Variants in CRTC3 observed in about 807,000 individuals in gnomAD.
The protein encoded by CRTC3 is CREB regulated transcription coactivator 3.
A neutral mutation model predicts 74.5 loss-of-function variants in CRTC3; 26 were observed. The ratio of observed to expected loss-of-function variants is 0.35; its 90% CI spans 0.26 to 0.48. The LOEUF is 0.48. Ranked by LOEUF, CRTC3 falls within the 20% of genes least tolerant of loss-of-function variation. The pLI is 0.99. For missense variants in CRTC3, 760 were observed against 787.3 expected, an observed-to-expected ratio of 0.97 and a Z score of 0.41; for synonymous variants, 377 against 325.8, an observed-to-expected ratio of 1.16 and a Z score of -1.69.
rs576304156 is a variant in CRTC3, at chr15:90,642,685, G to A, written c.*545G>A. On this transcript the variant is annotated 3_prime_UTR_variant, in exon 15 of 15. Coordinates refer to ENST00000268184, the MANE Select transcript of CRTC3 (RefSeq NM_022769.5). ...CGGCTCTCTCCCACGCCTGGATTAC[G>A]ACATGAAGTTTTTACCACAAGCCCG... 8.5e-4 allele frequency: 198 copies of A among 232,554 alleles called. No individual in the cohort carries two copies. The highest frequency in any genetic ancestry group is 4.2e-3 in the African/African-American group (192 of 45,262). The allele number at this position is 232,554 out of a possible 1,614,324, so 14.4% of individuals were successfully genotyped here. A position where few individuals can be genotyped will look rare whatever the true frequency, so the allele number is the denominator to read the frequency against.
chr15:90,612,037 TCCTCCTCCTCCTCCTCCTCCGCCTCCA>T (rs1567184078), intron 6 of CRTC3, among the ~76,000 whole-genome samples: 2 of 117,200 alleles, frequency 1.7e-5, no homozygotes, highest in Non-Finnish European at 3.5e-5. Flanking sequence ...CTCCTCCTCC[TCCTCCTCCTCCTCCTCCTCCGCCTCCA>T]CCTCCTCCTC....
intron 6 of CRTC3, among the ~76,000 whole-genome samples, chr15:90,612,361 C>T (rs373578604): frequency 6.6e-6 from 1 of 152,048 alleles, no homozygotes; most frequent in South Asian, 2.1e-4. Flanking sequence ...GTTGGTTATC[C>T]TCTTCTTCAC....
chr15:90,576,345 A>C (rs192916212), intron 2 of CRTC3, among the ~76,000 whole-genome samples: 222 of 152,306 alleles, frequency 1.5e-3, no homozygotes, highest in Admixed American at 2.4e-3. Context: ...GAAGCACTCA[A>C]GGATGACCCC....
intron 11 of CRTC3, among the ~76,000 whole-genome samples, chr15:90,632,572 T>G (rs1368706960): frequency 6.6e-6 from 1 of 152,244 alleles, no homozygotes; most frequent in Non-Finnish European, 1.5e-5. Flanking sequence ...TAGAGATGGC[T>G]GTCAACCATT....
At chr15:90,593,876 G>T in intron 3 of CRTC3, 121 bp downstream of exon 3, 1 of 1,016,482 alleles carries the variant, frequency 9.8e-7, no homozygotes, top group South Asian at 2.2e-5. Flanking sequence ...ATGAAAGGAG[G>T]CAATACAAAT....
chr15:90,642,219 A>G lies in CRTC3; in HGVS notation c.*79A>G. 8.0e-7 allele frequency: 1 copy of G among 1,250,436 alleles called. No individual in the cohort carries two copies. The highest frequency in any genetic ancestry group is 1.1e-6 in the Non-Finnish European group (1 of 869,782). 77.5% of individuals were successfully genotyped at this position (1,250,436 alleles called of 1,614,324 possible). A position where few individuals can be genotyped will look rare whatever the true frequency, so the allele number is the denominator to read the frequency against. On this transcript the variant is annotated 3_prime_UTR_variant, in exon 15 of 15. Coordinates refer to ENST00000268184, the MANE Select transcript of CRTC3 (RefSeq NM_022769.5). ...GAATAGAATGAAGCCAGCTGATACC[A>G]CGGGCTTTCGTTATCTTGACATAGA...
chr15:90,628,418 A>ACAG (rs1278506452), intron 10 of CRTC3, among the ~76,000 whole-genome samples: 4 of 152,124 alleles, frequency 2.6e-5, no homozygotes, highest in Admixed American at 6.5e-5. Context: ...TGAGATACAC[A>ACAG]CAGCAGCAGC....
chr15:90,543,913 C>G (rs760889426), intron 2 of CRTC3, among the ~76,000 whole-genome samples: 3 of 152,152 alleles, frequency 2.0e-5, no homozygotes, highest in African/African-American at 4.8e-5. Flanking sequence ...GTAGTTTTGA[C>G]TCTTCCAGTG....
chr15:90,599,642 T>C (rs963260242), intron 3 of CRTC3: 2 of 152,204 alleles, frequency 1.3e-5, no homozygotes, highest in African/African-American at 4.8e-5. Context: ...CTTTCAACTT[T>C]TGATGCCTCA....
At chr15:90,548,709 T>A (rs1966848884) in intron 2 of CRTC3, among the ~76,000 whole-genome samples, 1 of 152,236 alleles carries the variant, frequency 6.6e-6, no homozygotes, top group African/African-American at 2.4e-5. Flanking sequence ...TGCCAGACAC[T>A]GTGTTAAGCT....
intron 11 of CRTC3, among the ~76,000 whole-genome samples, chr15:90,633,322 C>A (rs551944223): frequency 1.7e-4 from 26 of 152,280 alleles, no homozygotes; most frequent in African/African-American, 6.3e-4. Flanking sequence ...ACTAAATTCT[C>A]TAGTAGCTCT....
intron 2 of CRTC3, among the ~76,000 whole-genome samples, chr15:90,573,812 T>C (rs1441328297): frequency 6.6e-6 from 1 of 152,224 alleles, no homozygotes; most frequent in East Asian, 1.9e-4. Context: ...CAGTGAACAG[T>C]ATCCTCTCCA....
chr15:90,619,463 CTA>C (rs1968581548), intron 8 of CRTC3, among the ~76,000 whole-genome samples: 1 of 152,162 alleles, frequency 6.6e-6, no homozygotes, highest in Admixed American at 6.5e-5. Context: ...GTAAAAAGCT[CTA>C]TGTGTAAAAC....
chr15:90,542,340 G>A (rs1486456197), intron 2 of CRTC3, among the ~76,000 whole-genome samples: 1 of 151,768 alleles, frequency 6.6e-6, no homozygotes, highest in Non-Finnish European at 1.5e-5. Context: ...CACCACGCCT[G>A]GCTAATTTTT....
At chr15:90,573,038 G>A (rs1035976131) in intron 2 of CRTC3, among the ~76,000 whole-genome samples, 6 of 152,138 alleles carry the variant, frequency 3.9e-5, no homozygotes, top group Admixed American at 1.3e-4. Flanking sequence ...CAGAAACTCT[G>A]TACCTATTAA....
intron 2 of CRTC3, among the ~76,000 whole-genome samples, chr15:90,573,915 G>A (rs1372327193): frequency 6.6e-6 from 1 of 152,150 alleles, no homozygotes; most frequent in Non-Finnish European, 1.5e-5. Context: ...GTATGTATCA[G>A]CAAATGTGAA....
intron 13 of CRTC3, among the ~76,000 whole-genome samples, chr15:90,640,529 A>G (rs1312224437): frequency 6.6e-6 from 1 of 152,166 alleles, no homozygotes; most frequent in African/African-American, 2.4e-5. Flanking sequence ...CTCTAAAAAA[A>G]ATACAAAAAT....
chr15:90,572,166 A>G (rs1967284397), intron 2 of CRTC3, among the ~76,000 whole-genome samples: 1 of 148,942 alleles, frequency 6.7e-6, no homozygotes, highest in African/African-American at 2.4e-5. Context: ...TTTCTCAAAA[A>G]AAAAAAAAAA....
chr15:90,627,031 G>A (rs150124607), intron 10 of CRTC3, among the ~76,000 whole-genome samples: 94 of 152,332 alleles, frequency 6.2e-4, no homozygotes, highest in African/African-American at 2.0e-3. Flanking sequence ...TGGAAGGGAT[G>A]CTCAGTGATG....
Sources: allele counts gnomAD v4.1 joint callset (sites outside exome capture counted in the v4.1 genomes callset), GRCh38; gene constraint gnomAD v4.1.1; transcripts MANE v1.5; gene names NCBI Gene and HGNC (gene_info 2026-07-23, HGNC 2026-07-21).